Variants in FOXN3 observed in about 807,000 individuals in gnomAD.
FOXN3 encodes the protein forkhead box N3.
Under a neutral mutation model 38.4 loss-of-function variants are expected in FOXN3, and 7 were observed. That is an observed-to-expected ratio of 0.18 (90% confidence interval 0.10 to 0.34). The LOEUF is 0.34. Ranked by LOEUF, FOXN3 falls within the 10% of genes least tolerant of loss-of-function variation. The probability of loss-of-function intolerance (pLI) is 1.00; values close to 1 mark genes in which losing one functional copy is unlikely to be tolerated. For missense variants in FOXN3, 456 were observed against 613.4 expected (o/e 0.74, Z 2.71); for synonymous variants, 230 against 242.2 (o/e 0.95, Z 0.47).
intron 1 of FOXN3, among the ~76,000 whole-genome samples, chr14:89,498,355 TG>T (rs929445156): frequency 6.6e-6 from 1 of 151,828 alleles, no homozygotes; most frequent in African/African-American, 2.4e-5. Flanking sequence ...CCAGAGTAGC[TG>T]GGACTACAGG....
intron 2 of FOXN3, among the ~76,000 whole-genome samples, chr14:89,363,898 C>G (rs1036950953): frequency 2.7e-5 from 4 of 145,800 alleles, no homozygotes; most frequent in Admixed American, 6.7e-5. Context: ...GAGCTATGAT[C>G]GAGCCACTGT....
chr14:89,313,288 G>A (rs991389353), intron 3 of FOXN3, among the ~76,000 whole-genome samples: 6 of 152,154 alleles, frequency 3.9e-5, no homozygotes, highest in South Asian at 2.1e-4. Context: ...CAAGACTGCC[G>A]GGCGCAGCGG....
chr14:89,324,874 G>T (rs2139977411), intron 3 of FOXN3, among the ~76,000 whole-genome samples: 1 of 152,308 alleles, frequency 6.6e-6, no homozygotes, highest in East Asian at 1.9e-4. Flanking sequence ...AGCAGGTTCA[G>T]ATCCAGCAGG....
chr14:89,298,746 C>G (rs983466441), intron 3 of FOXN3, among the ~76,000 whole-genome samples: 1 of 152,172 alleles, frequency 6.6e-6, no homozygotes, highest in Non-Finnish European at 1.5e-5. Context: ...ACAAAATAAC[C>G]ATCCTGTCCT....
chr14:89,290,980 C>T (rs970850275), intron 3 of FOXN3: 6 of 393,880 alleles, frequency 1.5e-5, no homozygotes, highest in Admixed American at 1.4e-4. Context: ...TGCTGCGGAC[C>T]TGTTCTGCTC....
At chr14:89,465,610 C>T (rs549346890) in intron 1 of FOXN3, among the ~76,000 whole-genome samples, 64 of 152,292 alleles carry the variant, frequency 4.2e-4, no homozygotes, top group African/African-American at 1.5e-3. Context: ...TGTTTTGTAC[C>T]ACTGTCTGCA....
intron 4 of FOXN3, among the ~76,000 whole-genome samples, chr14:89,241,974 G>A (rs1885154086): frequency 6.6e-6 from 1 of 152,176 alleles, no homozygotes; most frequent in Admixed American, 6.5e-5. Flanking sequence ...CAAGGCGTCA[G>A]GACCAGGTAG....
chr14:89,491,779 T>C (rs543710988), intron 1 of FOXN3, among the ~76,000 whole-genome samples: 2 of 152,334 alleles, frequency 1.3e-5, no homozygotes, highest in East Asian at 1.9e-4. Context: ...CTTGCCACTA[T>C]TTGGGAATCC....
chr14:89,337,307 C>T (rs373453126), intron 3 of FOXN3, among the ~76,000 whole-genome samples: 18 of 152,228 alleles, frequency 1.2e-4, no homozygotes, highest in African/African-American at 4.3e-4. Flanking sequence ...AGATTGGGAG[C>T]TGGGAGGAGC....
chr14:89,491,898 C>T (rs995702575), intron 1 of FOXN3, among the ~76,000 whole-genome samples: 1 of 152,172 alleles, frequency 6.6e-6, no homozygotes, highest in Non-Finnish European at 1.5e-5. Context: ...ACGAGTTCAG[C>T]CTAGCGCTTT....
intron 1 of FOXN3, among the ~76,000 whole-genome samples, chr14:89,451,703 C>T (rs1169347114): frequency 6.6e-6 from 1 of 152,192 alleles, no homozygotes; most frequent in African/African-American, 2.4e-5. Flanking sequence ...CGTAACACCT[C>T]AGATTCACTT....
At chr14:89,416,501 G>A (rs896865811) in intron 1 of FOXN3, among the ~76,000 whole-genome samples, 3 of 152,244 alleles carry the variant, frequency 2.0e-5, no homozygotes, top group Admixed American at 6.5e-5. Flanking sequence ...GTTTGGCCGG[G>A]GGGTGATCTT....
chr14:89,597,990 T>C (rs1896092544), intron 1 of FOXN3, among the ~76,000 whole-genome samples: 1 of 152,104 alleles, frequency 6.6e-6, no homozygotes, highest in Non-Finnish European at 1.5e-5. Context: ...CCTTTTTCTA[T>C]TTTTCATCTT....
chr14:89,411,141 T>G (rs985219936), intron 2 of FOXN3, among the ~76,000 whole-genome samples: 3 of 152,208 alleles, frequency 2.0e-5, no homozygotes, highest in African/African-American at 7.2e-5. Context: ...GAACTGTGTA[T>G]GCAACGGATC....
chr14:89,388,140 C>A (rs552778329), intron 2 of FOXN3, among the ~76,000 whole-genome samples: 5 of 152,124 alleles, frequency 3.3e-5, no homozygotes, highest in Non-Finnish European at 7.4e-5. Flanking sequence ...GCCGAGATTG[C>A]GACATTGCAC....
intron 1 of FOXN3, among the ~76,000 whole-genome samples, chr14:89,437,560 C>G (rs1265500970): frequency 6.6e-6 from 1 of 152,150 alleles, no homozygotes. Flanking sequence ...CATTCCCAGA[C>G]AGTTAAGGCA....
intron 1 of FOXN3, among the ~76,000 whole-genome samples, chr14:89,530,438 C>T (rs1483883399): frequency 6.6e-6 from 1 of 151,998 alleles, no homozygotes; most frequent in Non-Finnish European, 1.5e-5. Context: ...ACCACCAGAA[C>T]AGCACAGGAA....
intron 1 of FOXN3, among the ~76,000 whole-genome samples, chr14:89,610,933 T>C (rs243186): frequency 0.5 from 76,001 of 152,118 alleles, 20,563 homozygotes; most frequent in Middle Eastern, 0.62. Flanking sequence ...AAATATTAAT[T>C]AGTTCCATCA....
chr14:89,173,827 C>G (rs1203157121), intron 5 of FOXN3, among the ~76,000 whole-genome samples: 12 of 151,948 alleles, frequency 7.9e-5, no homozygotes, highest in African/African-American at 1.5e-4. Flanking sequence ...GCCATCTTTA[C>G]AAAAAATAGA....
Sources: gnomAD v4.1 joint callset for allele counts (sites outside exome capture counted in the v4.1 genomes callset) on GRCh38, gnomAD v4.1.1 for gene constraint, MANE v1.5 for transcripts, NCBI Gene and HGNC (gene_info 2026-07-23, HGNC 2026-07-21) for gene names.